TTLL5: variants seen among roughly 807,000 people sequenced by gnomAD.
TTLL5 encodes tubulin polyglutamylase TTLL5.
In TTLL5, 132 loss-of-function variants were observed where a neutral mutation model predicts 168.4. The ratio of observed to expected loss-of-function variants is 0.78; its 90% CI spans 0.68 to 0.91. The LOEUF (loss-of-function observed/expected upper bound fraction) is 0.91, where lower values mean the gene tolerates loss of function less well. Among genes scored for constraint, TTLL5 ranks in the 40% least tolerant of loss-of-function variants. TTLL5 has a pLI of 0.00. For missense variants in TTLL5, 1,545 were observed against 1,581.5 expected, an observed-to-expected ratio of 0.98 and a Z score of 0.39; for synonymous variants, 546 against 558.6, an observed-to-expected ratio of 0.98 and a Z score of 0.32.
chr14:75,945,073 T>C (rs1481524843), intron 31 of TTLL5, among the ~76,000 whole-genome samples: 1 of 151,936 alleles, frequency 6.6e-6, no homozygotes, highest in African/African-American at 2.4e-5. Context: ...GCCAGAAGTA[T>C]GCCAGCATAT....
At chr14:75,902,590 C>T in intron 31 of TTLL5, 1 of 465,130 alleles carries the variant, frequency 2.1e-6, no homozygotes, top group Non-Finnish European at 4.3e-6. Context: ...TGATCTTATC[C>T]CCTCCACATG....
chr14:75,761,966 G>A (rs528696090), intron 18 of TTLL5, among the ~76,000 whole-genome samples: 2 of 152,254 alleles, frequency 1.3e-5, no homozygotes, highest in East Asian at 3.9e-4. Flanking sequence ...TAGACTGATG[G>A]ATGAAGGATA....
chr14:75,792,374 A>G (rs1892776620), intron 26 of TTLL5, among the ~76,000 whole-genome samples: 1 of 151,884 alleles, frequency 6.6e-6, no homozygotes, highest in South Asian at 2.1e-4. Flanking sequence ...AAGTATAATA[A>G]TAATAAAAAA....
chr14:75,720,609 T>G lies in TTLL5; in HGVS notation c.948T>G (p.His316Gln), dbSNP rs1168359076. The G allele has an allele frequency of 6.2e-7, 1 of 1,613,450 alleles. No homozygotes were observed. Among genetic ancestry groups the G allele is most frequent in the South Asian group, 1.1e-5 (1 of 91,048 alleles). ...TTTTGTTTGCAGCATTGATGGCCCA[T>G]GTAGAAGACCTGATCATTAAGACTA... ...EGRDTTALMA[H>Q]VEDLIIKTII... Residue 316 changes from histidine (H) to glutamine (Q), a missense_variant, in exon 12 of 32, where the codon CAT becomes CAG. By Grantham distance (24) the His-to-Gln change is conservative (BLOSUM62 0). Transcript: ENST00000298832.
chr14:75,697,488 G>T (rs950566436), intron 6 of TTLL5, among the ~76,000 whole-genome samples: 3 of 152,164 alleles, frequency 2.0e-5, no homozygotes, highest in Admixed American at 2.0e-4. Context: ...ATGGGGGAGA[G>T]TGGACAAAAG....
At chr14:75,924,784 C>G (rs982261506) in intron 31 of TTLL5, among the ~76,000 whole-genome samples, 4 of 152,034 alleles carry the variant, frequency 2.6e-5, no homozygotes, top group African/African-American at 4.8e-5. Flanking sequence ...GGCCCGCTCT[C>G]AATGAGCTGC....
At chr14:75,851,066 G>A (rs924268667) in intron 28 of TTLL5, among the ~76,000 whole-genome samples, 2 of 146,114 alleles carry the variant, frequency 1.4e-5, no homozygotes, top group South Asian at 4.4e-4. Flanking sequence ...CACTGTACTC[G>A]GCCTGAGTGA....
chr14:75,684,662 C>T (rs1426782068), intron 5 of TTLL5: 1 of 152,134 alleles, frequency 6.6e-6, no homozygotes, highest in African/African-American at 2.4e-5. Context: ...TATAGCCTTA[C>T]GGTCACAGGG....
At chr14:75,804,757 C>T (rs1397581178) in intron 27 of TTLL5, among the ~76,000 whole-genome samples, 1 of 152,182 alleles carries the variant, frequency 6.6e-6, no homozygotes, top group Non-Finnish European at 1.5e-5. Context: ...TGTTTAACCT[C>T]CCTGTGCCTT....
At chr14:75,824,205 G>C (rs1033139189) in intron 28 of TTLL5, among the ~76,000 whole-genome samples, 5 of 152,090 alleles carry the variant, frequency 3.3e-5, no homozygotes, top group African/African-American at 1.2e-4. Context: ...TACTCTCTAG[G>C]GTATATCTTC....
chr14:75,793,165 T>C, intron 27 of TTLL5, 65 bp downstream of exon 27: 2 of 1,407,388 alleles, frequency 1.4e-6, no homozygotes, highest in East Asian at 2.4e-5. Context: ...GACAGGGTAC[T>C]TTGTCTTTCC....
chr14:75,667,443 C>G (rs975531825), intron 2 of TTLL5, among the ~76,000 whole-genome samples: 1 of 152,198 alleles, frequency 6.6e-6, no homozygotes, highest in Non-Finnish European at 1.5e-5. Flanking sequence ...TAGGAATCAC[C>G]TGGCTTCATG....
chr14:75,665,903 C>T (rs1399829101), intron 2 of TTLL5, among the ~76,000 whole-genome samples: 2 of 152,142 alleles, frequency 1.3e-5, no homozygotes, highest in Admixed American at 6.5e-5. Context: ...GTCAAAGGCA[C>T]AGATAATGCT....
intron 27 of TTLL5, among the ~76,000 whole-genome samples, chr14:75,808,534 T>C (rs1893787096): frequency 6.6e-6 from 1 of 152,230 alleles, no homozygotes; most frequent in African/African-American, 2.4e-5. Context: ...TCTGATTGAA[T>C]ATATTCTCTA....
At chr14:75,773,963 G>GACAGAGAGAC in intron 21 of TTLL5, among the ~76,000 whole-genome samples, 1 of 69,508 alleles carries the variant, frequency 1.4e-5, no homozygotes, top group South Asian at 6.4e-4. Context: ...GAGAAAGAGA[G>GACAGAGAGAC]AGAGAGAGAG....
intron 5 of TTLL5, among the ~76,000 whole-genome samples, chr14:75,689,105 C>G (rs1885271756): frequency 6.6e-6 from 1 of 152,312 alleles, no homozygotes; most frequent in East Asian, 1.9e-4. Context: ...TCTTGGATCA[C>G]TTGATCTGGG....
At chr14:75,796,767 T>A (rs940291267) in intron 27 of TTLL5, among the ~76,000 whole-genome samples, 1 of 152,164 alleles carries the variant, frequency 6.6e-6, no homozygotes, top group Non-Finnish European at 1.5e-5. Flanking sequence ...GGTTTTCTAT[T>A]CTGTTCTATT....
intron 31 of TTLL5, chr14:75,906,588 C>T: frequency 1.0e-6 from 1 of 985,916 alleles, no homozygotes; most frequent in Non-Finnish European, 1.2e-6. Context: ...ATTTTCGCCA[C>T]ATCCAAACCC....
At chr14:75,822,784 G>A (rs1361806099) in intron 28 of TTLL5, among the ~76,000 whole-genome samples, 1 of 152,168 alleles carries the variant, frequency 6.6e-6, no homozygotes, top group Non-Finnish European at 1.5e-5. Context: ...CTCCCATTGG[G>A]TCAGTGTAAG....
Sources: gnomAD v4.1 joint callset for allele counts (sites outside exome capture counted in the v4.1 genomes callset) on GRCh38, gnomAD v4.1.1 for gene constraint, MANE v1.5 for transcripts, NCBI Gene and HGNC (gene_info 2026-07-23, HGNC 2026-07-21) for gene names.